Variants in CTNNA2 observed in about 807,000 individuals in gnomAD.
CTNNA2 encodes catenin alpha-2.
CTNNA2 carries 42 observed loss-of-function variants against 101.0 expected under a neutral mutation model. The observed-to-expected ratio is 0.42, with a 90% confidence interval of 0.32 to 0.54. The LOEUF (loss-of-function observed/expected upper bound fraction) is 0.54, where lower values mean the gene tolerates loss of function less well. CTNNA2 is among the 20% of genes least tolerant of loss of function. The pLI is 0.14. For missense variants in CTNNA2, 871 were observed against 1,223.1 expected (o/e 0.71, Z 4.29); for synonymous variants, 450 against 456.4 (o/e 0.99, Z 0.18).
rs1392580378 is a variant in CTNNA2, at chr2:80,244,734, TCATATAA to T, written c.1057-148475_1057-148469del. Among the ~76,000 whole-genome samples, 3 of 152,212 alleles carry T rather than the reference TCATATAA, an allele frequency of 2.0e-5. No individual in the cohort carries two copies. In the East Asian group the frequency reaches 5.8e-4, roughly 29 times the overall value. The stretch of plus-strand genomic sequence containing the variant: ...TTCTCTCATTTCGTACATCTTAAAA[TCATATAA>T]CCAGGCAGTATCTTAGGGTCATTGG... On this transcript the variant is annotated intron_variant, in intron 7 of 18. Coordinates refer to ENST00000402739, the MANE Select transcript of CTNNA2 (RefSeq NM_001282597.3).
intron 1 of CTNNA2, among the ~76,000 whole-genome samples, chr2:79,564,673 T>G (rs1674998688): frequency 6.6e-6 from 1 of 152,230 alleles, no homozygotes; most frequent in South Asian, 2.1e-4. Flanking sequence ...TAAAATTTTT[T>G]AAATTGGTGA....
intron 1 of CTNNA2, among the ~76,000 whole-genome samples, chr2:79,622,184 A>G (rs1043255145): frequency 6.6e-6 from 1 of 152,246 alleles, no homozygotes; most frequent in South Asian, 2.1e-4. Flanking sequence ...CCAAAGTTCA[A>G]TTTGAATTTG....
intron 1 of CTNNA2, among the ~76,000 whole-genome samples, chr2:79,603,328 A>C (rs1677669232): frequency 6.6e-6 from 1 of 152,202 alleles, no homozygotes; most frequent in African/African-American, 2.4e-5. Context: ...TAAGATCCTG[A>C]ATTAGGGAAG....
chr2:79,283,854 T>A (rs200127340), intron 2 of CTNNA2, among the ~76,000 whole-genome samples: 53 of 107,612 alleles, frequency 4.9e-4, no homozygotes, highest in Non-Finnish European at 7.4e-4. Context: ...TTGGGCAGTA[T>A]GGCCATTTTC....
At chr2:79,186,285 G>A (rs1429557974) in intron 1 of CTNNA2, among the ~76,000 whole-genome samples, 1 of 152,112 alleles carries the variant, frequency 6.6e-6, no homozygotes, top group African/African-American at 2.4e-5. Context: ...GTATAGACAT[G>A]AATTTATCCA....
At chr2:79,217,015 C>A in intron 2 of CTNNA2, among the ~76,000 whole-genome samples, 1 of 152,100 alleles carries the variant, frequency 6.6e-6, no homozygotes, top group East Asian at 1.9e-4. Flanking sequence ...ATGGATAAAA[C>A]GTGTCTCCTT....
intron 2 of CTNNA2, among the ~76,000 whole-genome samples, chr2:79,258,845 C>CAAAAAAAAAAAAAAA (rs869066159): frequency 1.1e-5 from 1 of 91,400 alleles, no homozygotes; most frequent in African/African-American, 4.7e-5. Context: ...AATCCTCTAC[C>CAAAAAAAAAAAAAAA]AAAAAAAAAA....
chr2:79,394,040 G>A (rs1465917611), intron 4 of CTNNA2, among the ~76,000 whole-genome samples: 1 of 152,004 alleles, frequency 6.6e-6, no homozygotes, highest in East Asian at 1.9e-4. Context: ...CTAGATACAG[G>A]CACACAGCTT....
chr2:79,885,467 T>C (rs1683788237), intron 6 of CTNNA2, among the ~76,000 whole-genome samples: 1 of 152,224 alleles, frequency 6.6e-6, no homozygotes, highest in Non-Finnish European at 1.5e-5. Context: ...TATGATTTCT[T>C]CAACATCAGG....
chr2:79,189,283 T>C (rs1257520982), intron 1 of CTNNA2, among the ~76,000 whole-genome samples: 7 of 152,242 alleles, frequency 4.6e-5, no homozygotes, highest in Non-Finnish European at 1.0e-4. Flanking sequence ...TTTCTTTTTA[T>C]TCTGAATCAT....
At chr2:79,247,841 A>G (rs969116987) in intron 2 of CTNNA2, among the ~76,000 whole-genome samples, 12 of 152,238 alleles carry the variant, frequency 7.9e-5, no homozygotes, top group Non-Finnish European at 1.6e-4. Flanking sequence ...GAAGAAGGCA[A>G]GAGCAAAGGA....
At chr2:79,707,806 C>T (rs2104792714) in intron 2 of CTNNA2, among the ~76,000 whole-genome samples, 1 of 152,298 alleles carries the variant, frequency 6.6e-6, no homozygotes, top group Admixed American at 6.5e-5. Flanking sequence ...TTGCAGCCAA[C>T]TCTTCCTTTT....
chr2:79,884,751 CTT>C (rs375184305), intron 6 of CTNNA2, among the ~76,000 whole-genome samples: 1 of 138,398 alleles, frequency 7.2e-6, no homozygotes, highest in Admixed American at 7.2e-5. Context: ...TTTAAATATG[CTT>C]TTTTTTTTTT....
At chr2:80,601,413 C>CTTTGTTTTTTTTTTT (rs1697501313) in intron 15 of CTNNA2, among the ~76,000 whole-genome samples, 1 of 61,856 alleles carries the variant, frequency 1.6e-5, no homozygotes, top group East Asian at 6.6e-4. Context: ...TTTTTTCTTT[C>CTTTGTTTTTTTTTTT]TTTCTTTCTT....
intron 2 of CTNNA2, among the ~76,000 whole-genome samples, chr2:79,298,474 C>T (rs1032629886): frequency 2.0e-5 from 3 of 152,104 alleles, no homozygotes; most frequent in East Asian, 1.9e-4. Flanking sequence ...ACAACATTTG[C>T]GCATCACCCC....
chr2:80,590,085 C>G (rs1696333145), intron 15 of CTNNA2, among the ~76,000 whole-genome samples: 1 of 152,184 alleles, frequency 6.6e-6, no homozygotes, highest in African/African-American at 2.4e-5. Flanking sequence ...TGAGCTAGTA[C>G]CTTTGACAAA....
intron 3 of CTNNA2, among the ~76,000 whole-genome samples, chr2:79,319,234 C>T (rs1676563220): frequency 6.6e-6 from 1 of 152,192 alleles, no homozygotes; most frequent in South Asian, 2.1e-4. Flanking sequence ...ATCCAGACTT[C>T]TTGCACCTGT....
At chr2:80,318,039 C>T (rs1465539826) in intron 7 of CTNNA2, among the ~76,000 whole-genome samples, 2 of 152,096 alleles carry the variant, frequency 1.3e-5, no homozygotes, top group East Asian at 1.9e-4. Context: ...CCAGACTACC[C>T]CTCACCCCAT....
At chr2:79,929,186 C>A (rs894125243) in intron 7 of CTNNA2, among the ~76,000 whole-genome samples, 2 of 152,106 alleles carry the variant, frequency 1.3e-5, no homozygotes, top group African/African-American at 4.8e-5. Context: ...TATATCATTT[C>A]ATCCAAAAGT....
Sources: gnomAD v4.1 joint callset for allele counts (sites outside exome capture counted in the v4.1 genomes callset) on GRCh38, gnomAD v4.1.1 for gene constraint, MANE v1.5 for transcripts, NCBI Gene and HGNC (gene_info 2026-07-23, HGNC 2026-07-21) for gene names.